TFDP2: variants seen among roughly 807,000 people sequenced by gnomAD.
The protein encoded by TFDP2 is transcription factor Dp-2 (E2F dimerization partner 2).
A neutral mutation model predicts 59.3 loss-of-function variants in TFDP2; 17 were observed. The ratio of observed to expected loss-of-function variants is 0.29; its 90% CI spans 0.20 to 0.43. TFDP2 has a LOEUF of 0.43. Ranked by LOEUF, TFDP2 falls within the 20% of genes least tolerant of loss-of-function variation. The pLI is 1.00. For synonymous variants in TFDP2, 180 were observed against 194.7 expected (o/e 0.92, Z 0.63); for missense variants, 391 against 528.8 (o/e 0.74, Z 2.56).
chr3:141,952,776 G>C lies in TFDP2; in HGVS notation c.1158-80C>G, dbSNP rs11569288. ...AAAACATAGGAATAAAAACAGGAAGGAGGTGCCATTGGTGAGATCTGCCAC... is the reference window on the plus strand; with the variant it reads ...AAAACATAGGAATAAAAACAGGAAGCAGGTGCCATTGGTGAGATCTGCCAC... On this transcript the variant is annotated intron_variant, in intron 12 of 12. Coordinates refer to ENST00000489671, the MANE Select transcript of TFDP2 (RefSeq NM_001178139.2). The C allele has an allele frequency of 9.3e-4, 1,474 of 1,585,506 alleles. 11 individuals carry two copies. The African/African-American group carries it at 0.017, about 18-fold the overall frequency.
chr3:142,111,690 C>T (rs376690694), intron 1 of TFDP2, among the ~76,000 whole-genome samples: 1 of 151,956 alleles, frequency 6.6e-6, no homozygotes, highest in East Asian at 1.9e-4. Flanking sequence ...TAATACGTGC[C>T]GAAAAACAAA....
chr3:142,016,689 C>A (rs1211127456), intron 3 of TFDP2, among the ~76,000 whole-genome samples: 1 of 152,158 alleles, frequency 6.6e-6, no homozygotes, highest in African/African-American at 2.4e-5. Flanking sequence ...TTTCACCTGT[C>A]CCTTCATAGT....
intron 3 of TFDP2, among the ~76,000 whole-genome samples, chr3:142,041,854 G>A (rs896225812): frequency 6.6e-6 from 1 of 152,132 alleles, no homozygotes; most frequent in Non-Finnish European, 1.5e-5. Context: ...TAAGGTCTAT[G>A]CCTAGGTTCA....
chr3:142,048,500 T>C (rs867298564), intron 3 of TFDP2, among the ~76,000 whole-genome samples: 25 of 152,164 alleles, frequency 1.6e-4, no homozygotes, highest in Admixed American at 1.2e-3. Flanking sequence ...GTCAGTAATA[T>C]TTCAGATTAA....
intron 3 of TFDP2, among the ~76,000 whole-genome samples, chr3:142,051,049 A>G (rs1347182447): frequency 6.6e-6 from 1 of 152,214 alleles, no homozygotes; most frequent in Non-Finnish European, 1.5e-5. Context: ...AAATCGAAAG[A>G]TTACACTATC....
chr3:142,082,757 G>C (rs1392677419), intron 3 of TFDP2, among the ~76,000 whole-genome samples: 2 of 152,084 alleles, frequency 1.3e-5, no homozygotes, highest in Non-Finnish European at 1.5e-5. Flanking sequence ...TCAATGAAAT[G>C]AAAGACAAAA....
chr3:142,073,219 G>A (rs1458712821), intron 3 of TFDP2, among the ~76,000 whole-genome samples: 1 of 152,126 alleles, frequency 6.6e-6, no homozygotes, highest in Non-Finnish European at 1.5e-5. Flanking sequence ...ACAGGTATGT[G>A]CCACCATGCC....
intron 4 of TFDP2, among the ~76,000 whole-genome samples, chr3:142,004,621 A>AT: frequency 6.6e-6 from 1 of 152,248 alleles, no homozygotes; most frequent in Middle Eastern, 3.4e-3. Flanking sequence ...GTTGTTTTCC[A>AT]TTTTTCATTC....
At chr3:142,002,926 T>A (rs1943918078) in intron 4 of TFDP2, among the ~76,000 whole-genome samples, 1 of 152,086 alleles carries the variant, frequency 6.6e-6, no homozygotes, top group Non-Finnish European at 1.5e-5. Context: ...GAAGGCTCAC[T>A]CTCTGCTTCA....
chr3:142,122,500 G>A (rs1162145594), intron 1 of TFDP2, among the ~76,000 whole-genome samples: 1 of 152,158 alleles, frequency 6.6e-6, no homozygotes, highest in Non-Finnish European at 1.5e-5. Context: ...AGTTTCCTGG[G>A]AAGTGCTCTG....
At chr3:142,011,440 T>G (rs1332195394) in intron 3 of TFDP2, among the ~76,000 whole-genome samples, 1 of 90,414 alleles carries the variant, frequency 1.1e-5, no homozygotes, top group Admixed American at 1.3e-4. Context: ...GGGACTGTGG[T>G]GGGGTGGGGG....
intron 2 of TFDP2, among the ~76,000 whole-genome samples, chr3:142,100,887 A>G (rs1037278212): frequency 2.0e-5 from 3 of 152,166 alleles, no homozygotes; most frequent in African/African-American, 7.2e-5. Context: ...TTCCTGCTGG[A>G]TTTCTAGTTT....
intron 6 of TFDP2, among the ~76,000 whole-genome samples, chr3:141,992,708 C>G (rs956479450): frequency 6.6e-6 from 1 of 152,192 alleles, no homozygotes; most frequent in African/African-American, 2.4e-5. Context: ...GGAACTGAAA[C>G]AGCACTAGTG....
intron 6 of TFDP2, among the ~76,000 whole-genome samples, chr3:141,982,655 T>C (rs796892293): frequency 6.6e-6 from 1 of 152,194 alleles, no homozygotes; most frequent in South Asian, 2.1e-4. Context: ...TCTATAGTCA[T>C]ACCTGGATAA....
At chr3:142,099,010 AG>A (rs1334791361) in intron 2 of TFDP2, among the ~76,000 whole-genome samples, 2 of 152,236 alleles carry the variant, frequency 1.3e-5, no homozygotes, top group Non-Finnish European at 2.9e-5. Context: ...ATAAGACAAA[AG>A]TAACTCTTCA....
chr3:141,977,505 T>C lies in TFDP2; in HGVS notation c.519+1015A>G, dbSNP rs181661729. 2.2e-4 allele frequency among the ~76,000 whole-genome samples: 33 copies of C among 151,992 alleles called. No homozygotes were observed. The East Asian group carries it at 5.8e-3, about 27-fold the overall frequency. ...TACTCAGGATGCTGAGGCACAAGCATCACTTGAACCTGGGAAGTAGAGGTT... is the reference window on the plus strand; with the variant it reads ...TACTCAGGATGCTGAGGCACAAGCACCACTTGAACCTGGGAAGTAGAGGTT... On this transcript the variant is annotated intron_variant, in intron 7 of 12. Coordinates refer to ENST00000489671, the MANE Select transcript of TFDP2 (RefSeq NM_001178139.2).
intron 1 of TFDP2, among the ~76,000 whole-genome samples, chr3:142,108,636 T>C (rs1420744937): frequency 6.6e-6 from 1 of 152,246 alleles, no homozygotes; most frequent in Non-Finnish European, 1.5e-5. Context: ...ATCGTTATAC[T>C]GTGATTTATT....
At chr3:142,018,020 G>A (rs1292847446) in intron 3 of TFDP2, among the ~76,000 whole-genome samples, 1 of 151,952 alleles carries the variant, frequency 6.6e-6, no homozygotes, top group Non-Finnish European at 1.5e-5. Flanking sequence ...TTGGTTTACT[G>A]CAACCTCCGC....
intron 3 of TFDP2, among the ~76,000 whole-genome samples, chr3:142,053,077 G>A (rs1350576361): frequency 6.6e-6 from 1 of 152,144 alleles, no homozygotes; most frequent in African/African-American, 2.4e-5. Flanking sequence ...CAAAGTGCTG[G>A]GATTACAGGC....
Sources: allele counts gnomAD v4.1 joint callset (sites outside exome capture counted in the v4.1 genomes callset), GRCh38; gene constraint gnomAD v4.1.1; transcripts MANE v1.5; gene names NCBI Gene and HGNC (gene_info 2026-07-23, HGNC 2026-07-21).